SVEP1: variants seen among roughly 807,000 people sequenced by gnomAD.
SVEP1 encodes the protein sushi, von Willebrand factor type A, EGF and pentraxin domain containing 1.
In SVEP1, 164 loss-of-function variants were observed where a neutral mutation model predicts 367.3. The observed-to-expected ratio is 0.45, with a 90% CI of 0.39 to 0.51. The LOEUF (loss-of-function observed/expected upper bound fraction) is 0.51, where lower values mean the gene tolerates loss of function less well. SVEP1 is among the 20% of genes least tolerant of loss of function. SVEP1 has a pLI of 0.00. For synonymous variants in SVEP1, 1,666 were observed against 1,611.6 expected (o/e 1.03, Z -0.81); for missense variants, 4,117 against 4,425.3 (o/e 0.93, Z 1.98).
At chr9:110,405,688 T>G (rs1186933759) in intron 38 of SVEP1, among the ~76,000 whole-genome samples, 1 of 152,236 alleles carries the variant, frequency 6.6e-6, no homozygotes, top group Non-Finnish European at 1.5e-5. Flanking sequence ...CAAGTGCTGC[T>G]CTAGGTCCTT....
chr9:110,439,728 A>G lies in SVEP1; in HGVS notation c.4640-3224T>C, dbSNP rs142933067. Among the ~76,000 whole-genome samples, 206 of 152,132 alleles carry G rather than the reference A, an allele frequency of 1.4e-3. 1 individual carries two copies. The highest frequency in any genetic ancestry group is 4.5e-3 in the African/African-American group (187 of 41,500). On this transcript the variant is annotated intron_variant, in intron 27 of 47. Coordinates refer to ENST00000374469, the MANE Select transcript of SVEP1 (RefSeq NM_153366.4). ...GTTGGTTATTTAAGCCACTTTGTGTATGGTATTTCTTTATGGTAACCCAAG... is the reference window on the plus strand; with the variant it reads ...GTTGGTTATTTAAGCCACTTTGTGTGTGGTATTTCTTTATGGTAACCCAAG...
intron 40 of SVEP1, among the ~76,000 whole-genome samples, chr9:110,397,909 C>G (rs1289988754): frequency 2.0e-5 from 3 of 151,788 alleles, no homozygotes; most frequent in African/African-American, 4.8e-5. Context: ...TGAAAATGGC[C>G]ATGCTGCCCA....
At chr9:110,386,275 A>G (rs960521780) in intron 42 of SVEP1, among the ~76,000 whole-genome samples, 2 of 152,234 alleles carry the variant, frequency 1.3e-5, no homozygotes, top group African/African-American at 4.8e-5. Flanking sequence ...GCCAGATAAG[A>G]TCAGAAAACA....
At chr9:110,536,409 G>T (rs113973703) in intron 3 of SVEP1, among the ~76,000 whole-genome samples, 2 of 151,880 alleles carry the variant, frequency 1.3e-5, no homozygotes, top group Non-Finnish European at 2.9e-5. Flanking sequence ...ATGTATGTAA[G>T]GCAAAGACTT....
chr9:110,411,573 G>A lies in SVEP1; in HGVS notation c.6138C>T (p.Tyr2046=). The A allele has an allele frequency of 1.2e-6, 2 of 1,614,014 alleles. No homozygotes were observed. Among genetic ancestry groups the A allele is most frequent in the Non-Finnish European group, 8.5e-7 (1 of 1,179,900 alleles). Residue 2046 remains tyrosine (Y), a synonymous_variant, in exon 37 of 48, where the codon TAC becomes TAT. Transcript: ENST00000374469. ...HRLFGDIAFY[Y]CSDGYSLADN... ...CTGCTAGGCTGTAACCATCAGAGCA[G>A]TAGTAGAATGCAATGTCTCCAAAGA...
intron 18 of SVEP1, among the ~76,000 whole-genome samples, chr9:110,460,810 T>C (rs1828846923): frequency 6.6e-6 from 1 of 152,218 alleles, no homozygotes; most frequent in African/African-American, 2.4e-5. Context: ...ATGAAAATTT[T>C]ATTTTTACAA....
chr9:110,513,561 G>T (rs1346686276), intron 4 of SVEP1, among the ~76,000 whole-genome samples: 1 of 152,092 alleles, frequency 6.6e-6, no homozygotes, highest in Non-Finnish European at 1.5e-5. Context: ...ATAATACTGA[G>T]ACCCTTTACT....
chr9:110,550,623 G>A (rs757411858), intron 1 of SVEP1, among the ~76,000 whole-genome samples: 3 of 152,060 alleles, frequency 2.0e-5, no homozygotes, highest in Non-Finnish European at 4.4e-5. Context: ...AGTCAATAAT[G>A]GCTGACCTGC....
intron 18 of SVEP1, among the ~76,000 whole-genome samples, chr9:110,463,522 G>A (rs1442806255): frequency 6.9e-6 from 1 of 144,818 alleles, no homozygotes; most frequent in Non-Finnish European, 1.5e-5. Flanking sequence ...AATCAATACT[G>A]ATAGAAAATA....
At chr9:110,392,918 G>GCC (rs1827686496) in intron 40 of SVEP1, among the ~76,000 whole-genome samples, 1 of 152,100 alleles carries the variant, frequency 6.6e-6, no homozygotes, top group Non-Finnish European at 1.5e-5. Flanking sequence ...GCTATTTTGT[G>GCC]TGACAAGTTT....
At chr9:110,393,856 C>A (rs539592866) in intron 40 of SVEP1, among the ~76,000 whole-genome samples, 1 of 152,324 alleles carries the variant, frequency 6.6e-6, no homozygotes, top group Admixed American at 6.5e-5. Context: ...ACAAAGCAGC[C>A]AGGAAGCTTG....
At chr9:110,465,474 A>C (rs1264187914) in intron 18 of SVEP1, among the ~76,000 whole-genome samples, 1 of 152,214 alleles carries the variant, frequency 6.6e-6, no homozygotes, top group African/African-American at 2.4e-5. Context: ...AAGGAATGAA[A>C]TTCATAATCC....
At position 110,389,555 on chromosome 9, in the gene SVEP1, T is replaced by G; in HGVS notation, c.9855A>C (p.Arg3285Ser). Residue 3285 changes from arginine (R) to serine (S), a missense_variant, in exon 41 of 48, where the codon AGA (arginine) becomes AGC (serine). By Grantham distance (110) the Arg-to-Ser change is moderately radical (BLOSUM62 -1). Around this residue, in one of 4 missense-constraint regions of SVEP1, gnomAD observed 1,765 missense variants for 1,781.1 expected, o/e 0.99. Coordinates refer to ENST00000374469, the MANE Select transcript of SVEP1 (RefSeq NM_153366.4). ...GNRERVCQEN[R>S]QWSGGVAICK... Reference sequence around the variant, plus strand: ...ATATTGCCACCCCTCCACTCCACTGTCTGTTCTCCTGGCAGACACGTTCCC... The same window carrying G: ...ATATTGCCACCCCTCCACTCCACTGGCTGTTCTCCTGGCAGACACGTTCCC... 6.2e-7 allele frequency: 1 copy of G among 1,613,802 alleles called. No individual in the cohort carries two copies. The highest frequency in any genetic ancestry group is 1.1e-5 in the South Asian group (1 of 91,064).
chr9:110,442,075 G>A (rs1828517013), intron 27 of SVEP1, among the ~76,000 whole-genome samples: 1 of 152,280 alleles, frequency 6.6e-6, no homozygotes, highest in African/African-American at 2.4e-5. Flanking sequence ...CTAAATTAGT[G>A]CCTGATCACC....
chr9:110,536,551 T>C (rs1040700159), intron 3 of SVEP1, among the ~76,000 whole-genome samples: 2 of 151,958 alleles, frequency 1.3e-5, no homozygotes, highest in African/African-American at 4.8e-5. Flanking sequence ...GCATTTCATT[T>C]TTCAAAAGAA....
At chr9:110,405,986 C>G (rs934750991) in intron 38 of SVEP1, among the ~76,000 whole-genome samples, 174 bp downstream of exon 38, 7 of 152,126 alleles carry the variant, frequency 4.6e-5, no homozygotes, top group African/African-American at 1.7e-4. Flanking sequence ...TTTTTATACT[C>G]AGTGGATTTC....
chr9:110,578,590 C>G lies in SVEP1; in HGVS notation c.531+423G>C, dbSNP rs974849085. ...GATTGGAGCAAAAATAGGAAGGGCA[C>G]GAATCTTACATTGAAAGCATAACAT... On this transcript the variant is annotated intron_variant, in intron 1 of 47. Coordinates refer to ENST00000374469, the MANE Select transcript of SVEP1 (RefSeq NM_153366.4). 3.3e-5 allele frequency among the ~76,000 whole-genome samples: 5 copies of G among 152,086 alleles called. 1 individual carries two copies. The South Asian group carries it at 1.0e-3, about 32-fold the overall frequency.
intron 32 of SVEP1, among the ~76,000 whole-genome samples, chr9:110,431,353 A>G (rs1828346527): frequency 6.6e-6 from 1 of 152,242 alleles, no homozygotes; most frequent in Non-Finnish European, 1.5e-5. Context: ...AACTGTTTAT[A>G]TGGTGTGTTC....
chr9:110,562,832 G>A (rs1417949049), intron 1 of SVEP1, among the ~76,000 whole-genome samples: 1 of 152,048 alleles, frequency 6.6e-6, no homozygotes. Flanking sequence ...TGGGATTACA[G>A]GTGCCTGCCA....
Sources: gnomAD v4.1 joint callset for allele counts (sites outside exome capture counted in the v4.1 genomes callset) on GRCh38, gnomAD v4.1.1 for gene constraint, gnomAD v4.1.1 regional missense constraint, MANE v1.5 for transcripts, NCBI Gene and HGNC (gene_info 2026-07-23, HGNC 2026-07-21) for gene names.